Variants in TBC1D5 observed in about 807,000 individuals in gnomAD.
The protein encoded by TBC1D5 is TBC1 domain family member 5.
A neutral mutation model predicts 100.3 loss-of-function variants in TBC1D5; 75 were observed. The observed-to-expected ratio is 0.75, with a 90% CI of 0.62 to 0.91. TBC1D5 has a LOEUF of 0.91. TBC1D5 is among the 40% of genes least tolerant of loss of function. The pLI, the probability that TBC1D5 is intolerant of heterozygous loss-of-function variation, is 0.00. For missense variants in TBC1D5, 910 were observed against 942.4 expected, an observed-to-expected ratio of 0.97 and a Z score of 0.45; for synonymous variants, 323 against 325.6, an observed-to-expected ratio of 0.99 and a Z score of 0.09.
intron 18 of TBC1D5, among the ~76,000 whole-genome samples, chr3:17,194,268 T>C (rs1404255666): frequency 6.6e-6 from 1 of 152,204 alleles, no homozygotes; most frequent in Admixed American, 6.5e-5. Flanking sequence ...AAGGCAATTT[T>C]AACAGATGGC....
chr3:17,254,761 G>A (rs1019504698), intron 16 of TBC1D5, among the ~76,000 whole-genome samples: 7 of 70,618 alleles, frequency 9.9e-5, no homozygotes, highest in South Asian at 7.0e-4. Flanking sequence ...TTACCGTGGC[G>A]GGGGTGGGGG....
chr3:17,380,045 ATGTGTGTGTGTGTGTGTGTGTGTGTGTG>A (rs3041142), intron 9 of TBC1D5, among the ~76,000 whole-genome samples: 1 of 112,450 alleles, frequency 8.9e-6, no homozygotes, highest in Non-Finnish European at 1.8e-5. Context: ...GTGACTGTGT[ATGTGTGTGTGTGTGTGTGTGTGTGTGTG>A]TGTGTGTGTG....
intron 3 of TBC1D5, among the ~76,000 whole-genome samples, chr3:17,454,029 T>C (rs1197020102): frequency 6.6e-6 from 1 of 152,202 alleles, no homozygotes; most frequent in African/African-American, 2.4e-5. Flanking sequence ...ATCATTTAAA[T>C]TCATGCTGAA....
intron 19 of TBC1D5, among the ~76,000 whole-genome samples, chr3:17,179,033 G>C (rs778600954): frequency 6.6e-6 from 1 of 151,430 alleles, no homozygotes; most frequent in African/African-American, 2.4e-5. Context: ...CTGCACCCTC[G>C]AACTCCTGGC....
intron 2 of TBC1D5, among the ~76,000 whole-genome samples, chr3:17,574,290 A>G (rs888138194): frequency 2.0e-5 from 3 of 152,026 alleles, no homozygotes; most frequent in Non-Finnish European, 4.4e-5. Flanking sequence ...GGAGGGCCTC[A>G]TCTGTTCCCC....
chr3:17,422,073 T>C (rs2094219754), intron 4 of TBC1D5, among the ~76,000 whole-genome samples: 1 of 152,134 alleles, frequency 6.6e-6, no homozygotes, highest in Admixed American at 6.5e-5. Flanking sequence ...GGAAGAGGGA[T>C]GGTAGATTCA....
intron 1 of TBC1D5, among the ~76,000 whole-genome samples, chr3:17,637,808 A>C (rs748433075): frequency 1.3e-5 from 2 of 152,208 alleles, no homozygotes; most frequent in Non-Finnish European, 2.9e-5. Context: ...CTGAGCGGTA[A>C]TTTAGAAATA....
At chr3:17,242,892 T>C (rs2076421305) in intron 16 of TBC1D5, among the ~76,000 whole-genome samples, 1 of 152,162 alleles carries the variant, frequency 6.6e-6, no homozygotes, top group African/African-American at 2.4e-5. Context: ...GTAGACAGTA[T>C]GGTTCACTAA....
At chr3:17,461,291 T>C (rs1307062973) in intron 3 of TBC1D5, among the ~76,000 whole-genome samples, 1 of 152,084 alleles carries the variant, frequency 6.6e-6, no homozygotes. Context: ...ACACCTCTGG[T>C]TGGAAGTCTC....
intron 13 of TBC1D5, among the ~76,000 whole-genome samples, chr3:17,319,435 G>GT (rs35059577): frequency 1.4e-3 from 188 of 138,194 alleles, no homozygotes; most frequent in Non-Finnish European, 1.8e-3. Context: ...TAATTTATAG[G>GT]TTTTTTTTTT....
At chr3:17,655,854 A>G (rs2066012673) in intron 1 of TBC1D5, among the ~76,000 whole-genome samples, 1 of 152,212 alleles carries the variant, frequency 6.6e-6, no homozygotes, top group African/African-American at 2.4e-5. Flanking sequence ...GAAGTGATAC[A>G]GACATTTAAA....
chr3:17,733,355 T>C (rs1227150404), intron 1 of TBC1D5, among the ~76,000 whole-genome samples: 1 of 152,214 alleles, frequency 6.6e-6, no homozygotes, highest in African/African-American at 2.4e-5. Context: ...ATAAGGATCT[T>C]ACCGGAAGAA....
At chr3:17,329,264 G>A (rs2086584582) in intron 13 of TBC1D5, among the ~76,000 whole-genome samples, 1 of 152,196 alleles carries the variant, frequency 6.6e-6, no homozygotes, top group South Asian at 2.1e-4. Flanking sequence ...CCACCAACAT[G>A]AATGGGTTTA....
intron 8 of TBC1D5, among the ~76,000 whole-genome samples, chr3:17,385,910 C>CA (rs1215351852): frequency 1.3e-5 from 2 of 151,960 alleles, no homozygotes; most frequent in African/African-American, 4.8e-5. Flanking sequence ...AAGCATATGT[C>CA]AGAGAAGCCA....
intron 1 of TBC1D5, among the ~76,000 whole-genome samples, chr3:17,733,538 C>T (rs755504747): frequency 6.6e-6 from 1 of 152,016 alleles, no homozygotes; most frequent in African/African-American, 2.4e-5. Flanking sequence ...AAGAGAGCTA[C>T]GTACATTACC....
intron 1 of TBC1D5, among the ~76,000 whole-genome samples, chr3:17,632,636 A>T (rs2153678095): frequency 6.6e-6 from 1 of 152,292 alleles, no homozygotes; most frequent in South Asian, 2.1e-4. Context: ...ACCTTCAGCA[A>T]CCACCACCCT....
chr3:17,217,609 A>G (rs995300904), intron 17 of TBC1D5, among the ~76,000 whole-genome samples: 2 of 151,896 alleles, frequency 1.3e-5, no homozygotes, highest in Admixed American at 1.3e-4. Flanking sequence ...TTGATTTGCA[A>G]TTTTCCAATG....
intron 1 of TBC1D5, among the ~76,000 whole-genome samples, chr3:17,716,444 G>C (rs113779186): frequency 0.016 from 1,733 of 108,696 alleles, 27 homozygotes; most frequent in African/African-American, 0.045. Context: ...CAGCTGTTCA[G>C]AGGGAAAAAA....
intron 2 of TBC1D5, among the ~76,000 whole-genome samples, chr3:17,612,334 TA>T (rs1286447809): frequency 7.6e-6 from 1 of 130,952 alleles, no homozygotes; most frequent in Non-Finnish European, 1.6e-5. Context: ...AAAGAAGAAA[TA>T]AAATGAGTAG....
Sources: allele counts gnomAD v4.1 joint callset (sites outside exome capture counted in the v4.1 genomes callset), GRCh38; gene constraint gnomAD v4.1.1; transcripts MANE v1.5; gene names NCBI Gene and HGNC (gene_info 2026-07-23, HGNC 2026-07-21).